Variants in ARHGEF4 observed in about 807,000 individuals in gnomAD.
ARHGEF4 encodes APC-stimulated guanine nucleotide exchange factor 1.
In ARHGEF4, 119 loss-of-function variants were observed where a neutral mutation model predicts 162.0. That is an observed-to-expected ratio of 0.73 (90% CI 0.63 to 0.86). ARHGEF4 has a LOEUF of 0.86. Ranked by LOEUF, ARHGEF4 falls within the 40% of genes least tolerant of loss-of-function variation. The pLI, the probability that ARHGEF4 is intolerant of heterozygous loss-of-function variation, is 0.00. For synonymous variants in ARHGEF4, 1,014 were observed against 979.9 expected, an observed-to-expected ratio of 1.03 and a Z score of -0.65; for missense variants, 2,488 against 2,456.0, an observed-to-expected ratio of 1.01 and a Z score of -0.28.
At chr2:130,941,963 C>T (rs1683329551) in intron 3 of ARHGEF4, among the ~76,000 whole-genome samples, 1 of 152,074 alleles carries the variant, frequency 6.6e-6, no homozygotes, top group Non-Finnish European at 1.5e-5. Flanking sequence ...GTACAGGGTC[C>T]AGTTTCCCTT....
At position 130,968,406 on chromosome 2, in the gene ARHGEF4, G is replaced by A. The variant is rs183848533; in HGVS notation, c.3985+21771G>A. On this transcript the variant is annotated intron_variant, in intron 4 of 13. Coordinates refer to ENST00000409359, the MANE Select transcript of ARHGEF4 (RefSeq NM_001367493.1). ...CCTGAGGCCTAAGACCTGCAAGTTAGCCTTGGTAAGGAACAGTTTGGTAAG... is the reference window on the plus strand; with the variant it reads ...CCTGAGGCCTAAGACCTGCAAGTTAACCTTGGTAAGGAACAGTTTGGTAAG... Among the ~76,000 whole-genome samples the A allele has an allele frequency of 3.0e-4, 46 of 152,326 alleles. 1 individual carries two copies. Among genetic ancestry groups the A allele is most frequent in the African/African-American group, 1.1e-3 (44 of 41,574 alleles).
chr2:130,911,159 G>A (rs1258601200), intron 1 of ARHGEF4, among the ~76,000 whole-genome samples: 1 of 152,184 alleles, frequency 6.6e-6, no homozygotes, highest in Admixed American at 6.5e-5. Context: ...TGTGGGGCCT[G>A]CCGGTCAACA....
At chr2:130,844,111 C>T (rs577265167) in intron 1 of ARHGEF4, among the ~76,000 whole-genome samples, 1 of 152,356 alleles carries the variant, frequency 6.6e-6, no homozygotes, top group South Asian at 2.1e-4. Context: ...GTAGGAGTCG[C>T]TGACCCCATA....
intron 4 of ARHGEF4, among the ~76,000 whole-genome samples, chr2:130,980,910 A>G (rs1360175406): frequency 1.3e-5 from 2 of 152,238 alleles, no homozygotes; most frequent in Non-Finnish European, 2.9e-5. Flanking sequence ...CCCATATCAC[A>G]GTTTTTCTTC....
intron 1 of ARHGEF4, among the ~76,000 whole-genome samples, chr2:130,876,456 A>G (rs1395766293): frequency 2.0e-5 from 3 of 152,058 alleles, no homozygotes; most frequent in Non-Finnish European, 4.4e-5. Flanking sequence ...CAGTGGCGCG[A>G]TCTCGGCTCA....
At chr2:130,987,004 C>T (rs1308659527) in intron 4 of ARHGEF4, among the ~76,000 whole-genome samples, 2 of 152,218 alleles carry the variant, frequency 1.3e-5, no homozygotes, top group Non-Finnish European at 2.9e-5. Context: ...CCAACGCTGG[C>T]TCTTCTGTGC....
chr2:131,045,620 T>C, intron 13 of ARHGEF4, 174 bp downstream of exon 13: 1 of 1,564,082 alleles, frequency 6.4e-7, no homozygotes, highest in Non-Finnish European at 8.7e-7. Context: ...TGGGGAAGCC[T>C]GGGTCAGTAT....
intron 4 of ARHGEF4, among the ~76,000 whole-genome samples, chr2:130,949,028 T>C (rs1683792583): frequency 6.6e-6 from 1 of 152,226 alleles, no homozygotes; most frequent in Admixed American, 6.5e-5. Context: ...TCTGTCATCA[T>C]TCTCATTTGA....
At chr2:130,871,419 C>T (rs376619532) in intron 1 of ARHGEF4, among the ~76,000 whole-genome samples, 177 of 151,936 alleles carry the variant, frequency 1.2e-3, no homozygotes, top group African/African-American at 4.1e-3. Flanking sequence ...ACCTGTGATC[C>T]CAGCTACTCG....
At chr2:131,041,656 C>T in intron 9 of ARHGEF4, 159 bp from the exon 10 acceptor site, 3 of 1,198,984 alleles carry the variant, frequency 2.5e-6, no homozygotes, top group Non-Finnish European at 3.5e-6. Context: ...CTGTGCTTGC[C>T]ATTTATGGAG....
intron 1 of ARHGEF4, among the ~76,000 whole-genome samples, chr2:130,840,017 A>C (rs535122482): frequency 6.6e-6 from 1 of 152,300 alleles, no homozygotes; most frequent in African/African-American, 2.4e-5. Context: ...GTAAGCCAAG[A>C]CAAGTCGTGA....
intron 1 of ARHGEF4, among the ~76,000 whole-genome samples, chr2:130,845,693 C>T (rs921044853): frequency 2.6e-5 from 4 of 152,172 alleles, no homozygotes; most frequent in African/African-American, 7.2e-5. Flanking sequence ...TCAAGTGGTA[C>T]AGTCTGCCTC....
At chr2:131,039,372 C>T (rs1690579863) in intron 6 of ARHGEF4, 1 of 1,090,384 alleles carries the variant, frequency 9.2e-7, no homozygotes, top group Non-Finnish European at 1.1e-6. Context: ...TCACACACAG[C>T]CCCGGGAGTG....
intron 1 of ARHGEF4, 129 bp from the exon 2 acceptor site, chr2:130,913,857 T>C (rs1681337882): frequency 3.5e-6 from 4 of 1,132,408 alleles, no homozygotes; most frequent in Non-Finnish European, 4.9e-6. Context: ...CCTCCCTTCC[T>C]AGGGGTACAT....
chr2:130,914,875 A>G lies in ARHGEF4; in HGVS notation c.929A>G (p.His310Arg). 3 of 1,491,444 alleles carry G rather than the reference A, an allele frequency of 2.0e-6. No homozygotes were observed. The highest frequency in any genetic ancestry group is 2.7e-6 in the Non-Finnish European group (3 of 1,118,258). The allele number at this position is 1,491,444 out of a possible 1,614,324, so 92.4% of individuals were successfully genotyped here. Residue 310 changes from histidine to arginine, a missense_variant, in exon 2 of 14, where the codon CAT becomes CGT. By Grantham distance (29) the His-to-Arg change is conservative (BLOSUM62 0). Around this residue, in one of 6 missense-constraint regions of ARHGEF4, gnomAD observed 1,642 missense variants for 1,481.5 expected, o/e 1.11. Transcript: ENST00000409359. ...TGCCTCCTACGCACCAACCGTCACCATAGTGCCCCAGAAACTACTGGTGAC... is the reference window on the plus strand; with the variant it reads ...TGCCTCCTACGCACCAACCGTCACCGTAGTGCCCCAGAAACTACTGGTGAC... ...TSCLLRTNRH[H>R]SAPETTGDKN...
chr2:130,882,670 C>CTGACTAAAGCAACTAAAGGTTG (rs1357534465), intron 1 of ARHGEF4, among the ~76,000 whole-genome samples: 1 of 152,032 alleles, frequency 6.6e-6, no homozygotes, highest in Non-Finnish European at 1.5e-5. Context: ...ACTGAGGTTA[C>CTGACTAAAGCAACTAAAGGTTG]TGACTAAAGC....
chr2:130,868,141 C>T lies in ARHGEF4; in HGVS notation c.39+31149C>T, dbSNP rs550573907. On this transcript the variant is annotated intron_variant, in intron 1 of 13. Coordinates refer to ENST00000409359, the MANE Select transcript of ARHGEF4 (RefSeq NM_001367493.1). ...GGGGTTTCACCATGTTAGCCAGGAT[C>T]GTCTCGATCTCCCGACGTCGTGATC... Among the ~76,000 whole-genome samples the T allele has an allele frequency of 1.0e-3, 159 of 151,610 alleles. 3 individuals carry two copies. The highest frequency in any genetic ancestry group is 3.6e-3 in the African/African-American group (150 of 41,346).
intron 4 of ARHGEF4, among the ~76,000 whole-genome samples, chr2:131,010,748 TG>T (rs1269502107): frequency 6.6e-6 from 1 of 152,176 alleles, no homozygotes; most frequent in African/African-American, 2.4e-5. Flanking sequence ...CAGCAAGCTT[TG>T]ATGCTGTGGG....
intron 1 of ARHGEF4, among the ~76,000 whole-genome samples, chr2:130,889,105 CA>C (rs70994719): frequency 1.6e-3 from 204 of 124,538 alleles, no homozygotes; most frequent in Middle Eastern, 4.3e-3. Flanking sequence ...AACTCCATCT[CA>C]AAAAAAAAAA....
Sources: allele counts gnomAD v4.1 joint callset (sites outside exome capture counted in the v4.1 genomes callset), GRCh38; gene constraint gnomAD v4.1.1; regional missense constraint gnomAD v4.1.1; transcripts MANE v1.5; gene names NCBI Gene and HGNC (gene_info 2026-07-23, HGNC 2026-07-21).